The following FAT3 variants were observed in gnomAD, a reference collection of about 807,000 sequenced individuals.
FAT3 encodes protocadherin Fat 3.
A neutral mutation model predicts 310.2 loss-of-function variants in FAT3; 95 were observed. The observed-to-expected ratio is 0.31, with a 90% confidence interval of 0.26 to 0.36. The LOEUF (loss-of-function observed/expected upper bound fraction) is 0.36. Among genes scored for constraint, FAT3 ranks in the 10% least tolerant of loss-of-function variants. The probability of loss-of-function intolerance (pLI) is 1.00; values close to 1 mark genes in which losing one functional copy is unlikely to be tolerated. For synonymous variants in FAT3, 2,314 were observed against 2,192.9 expected (o/e 1.06, Z -1.54); for missense variants, 5,408 against 5,715.6 (o/e 0.95, Z 1.74).
At chr11:92,599,768 G>C (rs1939917906) in intron 3 of FAT3, among the ~76,000 whole-genome samples, 2 of 152,220 alleles carry the variant, frequency 1.3e-5, no homozygotes, top group African/African-American at 4.8e-5. Context: ...TCACCAGAGA[G>C]GAGGTACTCC....
chr11:92,428,791 C>T (rs753862177), intron 2 of FAT3, among the ~76,000 whole-genome samples: 2 of 152,124 alleles, frequency 1.3e-5, no homozygotes, highest in Non-Finnish European at 2.9e-5. Context: ...GAGTGTTGTA[C>T]TTCCAATTAT....
intron 1 of FAT3, among the ~76,000 whole-genome samples, chr11:92,293,652 T>A (rs1236238428): frequency 1.3e-5 from 2 of 150,826 alleles, no homozygotes; most frequent in African/African-American, 2.4e-5. Flanking sequence ...ACAATGATGG[T>A]CACATGGGTA....
intron 3 of FAT3, among the ~76,000 whole-genome samples, chr11:92,582,348 A>G (rs1591482529): frequency 6.6e-6 from 1 of 152,058 alleles, no homozygotes; most frequent in South Asian, 2.1e-4. Flanking sequence ...CCTATTCAAG[A>G]TGGAGTTGCT....
intron 21 of FAT3, among the ~76,000 whole-genome samples, chr11:92,860,071 C>T (rs184898792): frequency 1.3e-5 from 2 of 152,172 alleles, no homozygotes; most frequent in East Asian, 1.9e-4. Flanking sequence ...GCATGGTAGT[C>T]GGCACCTATA....
At chr11:92,809,046 A>G (rs1486836913) in intron 12 of FAT3, among the ~76,000 whole-genome samples, 1 of 152,194 alleles carries the variant, frequency 6.6e-6, no homozygotes, top group African/African-American at 2.4e-5. Flanking sequence ...ACCAAATAAC[A>G]TTTATTCAGG....
chr11:92,497,103 C>T (rs928559250), intron 2 of FAT3, among the ~76,000 whole-genome samples: 1 of 151,968 alleles, frequency 6.6e-6, no homozygotes, highest in Non-Finnish European at 1.5e-5. Flanking sequence ...AATTCTATAG[C>T]CTAGATTAGG....
At chr11:92,672,445 C>T (rs888688941) in intron 3 of FAT3, among the ~76,000 whole-genome samples, 1 of 152,146 alleles carries the variant, frequency 6.6e-6, no homozygotes, top group Non-Finnish European at 1.5e-5. Flanking sequence ...TTGCTGAAGA[C>T]CCTTCCCTTT....
intron 21 of FAT3, among the ~76,000 whole-genome samples, chr11:92,861,240 C>T (rs1949114211): frequency 1.3e-5 from 2 of 152,208 alleles, no homozygotes; most frequent in Admixed American, 6.5e-5. Flanking sequence ...TCTGTCTCCT[C>T]CTTCATGCTC....
intron 4 of FAT3, among the ~76,000 whole-genome samples, chr11:92,698,214 A>G (rs985019360): frequency 3.3e-5 from 5 of 152,110 alleles, no homozygotes; most frequent in Non-Finnish European, 7.4e-5. Context: ...AGTTCCTAAG[A>G]ATCACTTTCT....
At chr11:92,320,881 G>T (rs752032322) in intron 1 of FAT3, among the ~76,000 whole-genome samples, 1 of 74,440 alleles carries the variant, frequency 1.3e-5, no homozygotes, top group African/African-American at 1.4e-4. Flanking sequence ...AAAAAAAAAA[G>T]GGGGGGGTAC....
intron 2 of FAT3, among the ~76,000 whole-genome samples, chr11:92,444,668 G>T (rs897738624): frequency 7.4e-5 from 10 of 135,168 alleles, no homozygotes; most frequent in African/African-American, 1.8e-4. Flanking sequence ...CTGGGGGGGG[G>T]GGAAAACATA....
In FAT3 at chr11:92,432,260, A is replaced by G. The variant is rs192813409; in HGVS notation, c.3292+76856A>G. 9.0e-3 allele frequency among the ~76,000 whole-genome samples: 1,367 copies of G among 152,282 alleles called. 62 individuals are homozygous for G. Among genetic ancestry groups the G allele is most frequent in the Admixed American group, 0.074 (1,139 of 15,296 alleles). On this transcript the variant is annotated intron_variant, in intron 2 of 27. Coordinates refer to ENST00000525166, the MANE Select transcript of FAT3 (RefSeq NM_001367949.2). Reference sequence around the variant, plus strand: ...TAGGTATTTTATTCTCTTTGAAGCAATTGTGAATGGGAGTTCACTCATGAT... The same window carrying G: ...TAGGTATTTTATTCTCTTTGAAGCAGTTGTGAATGGGAGTTCACTCATGAT...
intron 3 of FAT3, among the ~76,000 whole-genome samples, chr11:92,604,207 C>T (rs1940167272): frequency 6.6e-6 from 1 of 152,134 alleles, no homozygotes; most frequent in Non-Finnish European, 1.5e-5. Context: ...TACTGCTGAG[C>T]AGATAGCAAA....
At position 92,632,943 on chromosome 11, in the gene FAT3, G is replaced by C. The variant is rs141839497; in HGVS notation, c.3608-64441G>C. Among the ~76,000 whole-genome samples the C allele has an allele frequency of 6.4e-4, 97 of 152,284 alleles. 1 individual carries two copies. Among genetic ancestry groups the C allele is most frequent in the African/African-American group, 2.1e-3 (89 of 41,546 alleles). On this transcript the variant is annotated intron_variant, in intron 3 of 27. Coordinates refer to ENST00000525166, the MANE Select transcript of FAT3 (RefSeq NM_001367949.2). ...CTAACAAAGTGGCTCATGTGCTATGGAACATTGCCCCTGATCCTTGTTCTC... is the reference window on the plus strand; with the variant it reads ...CTAACAAAGTGGCTCATGTGCTATGCAACATTGCCCCTGATCCTTGTTCTC...
chr11:92,277,668 A>G (rs1946310044), intron 1 of FAT3, among the ~76,000 whole-genome samples: 1 of 152,052 alleles, frequency 6.6e-6, no homozygotes, highest in Non-Finnish European at 1.5e-5. Flanking sequence ...CATGGGCGTA[A>G]AGATGGCAAC....
At chr11:92,300,261 C>A (rs1460202440) in intron 1 of FAT3, among the ~76,000 whole-genome samples, 1 of 152,128 alleles carries the variant, frequency 6.6e-6, no homozygotes, top group East Asian at 1.9e-4. Context: ...CCAGGTCTTA[C>A]AGCAAAGCAC....
At chr11:92,764,579 T>G (rs1021292061) in intron 5 of FAT3, among the ~76,000 whole-genome samples, 1 of 152,202 alleles carries the variant, frequency 6.6e-6, no homozygotes, top group Non-Finnish European at 1.5e-5. Flanking sequence ...CATATAACTA[T>G]TATTCAGGCC....
At chr11:92,619,101 C>A (rs112808416) in intron 3 of FAT3, among the ~76,000 whole-genome samples, 2 of 152,050 alleles carry the variant, frequency 1.3e-5, no homozygotes, top group African/African-American at 4.8e-5. Context: ...GATGGTCATG[C>A]GGTTTTGTCT....
chr11:92,630,590 T>C (rs1941522019), intron 3 of FAT3, among the ~76,000 whole-genome samples: 1 of 152,158 alleles, frequency 6.6e-6, no homozygotes, highest in Non-Finnish European at 1.5e-5. Flanking sequence ...CCAACGGAGA[T>C]CCCACTGTCA....
Sources: allele counts gnomAD v4.1 joint callset (sites outside exome capture counted in the v4.1 genomes callset), GRCh38; gene constraint gnomAD v4.1.1; transcripts MANE v1.5; gene names NCBI Gene and HGNC (gene_info 2026-07-23, HGNC 2026-07-21).